EXOC1L: variants seen among roughly 807,000 people sequenced by gnomAD.
EXOC1L encodes the protein exocyst complex component 1-like.
Under a neutral mutation model 4.9 loss-of-function variants are expected in EXOC1L, and 10 were observed. The observed-to-expected ratio is 2.02, with a 90% confidence interval of 1.25 to 3.43. The LOEUF is 3.43. Among genes scored for constraint, EXOC1L ranks in the 30% most tolerant of loss-of-function variants. The pLI, the probability that EXOC1L is intolerant of heterozygous loss-of-function variation, is 0.00. For missense variants in EXOC1L, 114 were observed against 59.4 expected (o/e 1.92, Z -3.02); for synonymous variants, 41 against 20.8 (o/e 1.97, Z -2.63).
chr4:55,832,452 A>G (rs552910489), intron 2 of EXOC1L, among the ~76,000 whole-genome samples: 15 of 152,104 alleles, frequency 9.9e-5, no homozygotes, highest in South Asian at 8.3e-4. Context: ...TGAGCACAAC[A>G]TTGAGGACTT....
intron 1 of EXOC1L, among the ~76,000 whole-genome samples, chr4:55,823,881 C>T (rs1326247531): frequency 6.6e-6 from 1 of 152,080 alleles, no homozygotes; most frequent in East Asian, 1.9e-4. Context: ...ATAATACTTC[C>T]TTTAATAAAT....
chr4:55,834,833 T>C (rs935028727), intron 2 of EXOC1L, among the ~76,000 whole-genome samples: 113 of 152,042 alleles, frequency 7.4e-4, no homozygotes, highest in African/African-American at 2.6e-3. Flanking sequence ...TTTATTTATA[T>C]CTTTTTATTT....
chr4:55,833,987 AC>A (rs1350880551), intron 2 of EXOC1L, among the ~76,000 whole-genome samples: 1 of 151,964 alleles, frequency 6.6e-6, no homozygotes, highest in East Asian at 1.9e-4. Flanking sequence ...AAGTAAAAAT[AC>A]CCTGACTGTT....
In EXOC1L at chr4:55,820,106, T is replaced by C. The variant is rs1222459827; in HGVS notation, c.80T>C (p.Ile27Thr). The change falls in exon 1 of 3, where the codon ATA (isoleucine) becomes ACA (threonine). Residue 27 changes from isoleucine to threonine, a missense_variant. Ile to Thr is a moderately conservative substitution (Grantham distance 89). Coordinates refer to ENST00000636125, the MANE Select transcript of EXOC1L (RefSeq NM_001351574.3). ...LSQNLYEFIEIEFSVQDRYYL... is the reference protein window; with the variant it reads ...LSQNLYEFIETEFSVQDRYYL... ...CAGAATCTGTACGAGTTTATTGAAATAGAGTTCTCCGTCCAGGACAGGTAT... is the reference window on the plus strand; with the variant it reads ...CAGAATCTGTACGAGTTTATTGAAACAGAGTTCTCCGTCCAGGACAGGTAT... The C allele has an allele frequency of 5.0e-6, 2 of 399,044 alleles. No homozygotes were observed. The highest frequency in any genetic ancestry group is 4.4e-6 in the Non-Finnish European group (1 of 226,060). 24.7% of individuals were successfully genotyped at this position (399,044 alleles called of 1,614,324 possible). A position where few individuals can be genotyped will look rare whatever the true frequency, so the allele number is the denominator to read the frequency against.
chr4:55,825,032 G>A (rs1427526674), intron 1 of EXOC1L, among the ~76,000 whole-genome samples: 1 of 152,118 alleles, frequency 6.6e-6, no homozygotes, highest in Non-Finnish European at 1.5e-5. Flanking sequence ...TTTGAAGGGG[G>A]GAAGTATTTA....
At chr4:55,827,150 T>C (rs1199121724) in intron 1 of EXOC1L, among the ~76,000 whole-genome samples, 9 of 152,242 alleles carry the variant, frequency 5.9e-5, no homozygotes. Flanking sequence ...CCTGGTATTC[T>C]AGACCCCTCA....
In EXOC1L at chr4:55,831,450, A is replaced by G; in HGVS notation, c.238A>G (p.Lys80Glu). ...GAACGATCTGCAGATGATTGATGGA[A>G]AAGAAGCAGATACTGTAAGTGTTAC... ...SLNDLQMIDG[K>E]EADTDNPFFD... The change falls in exon 2 of 3, where the codon AAA becomes GAA. Residue 80 changes from lysine to glutamate, a missense_variant. Transcript: ENST00000636125. 1 of 691,624 alleles carries G rather than the reference A, an allele frequency of 1.4e-6. No individual in the cohort carries two copies. Among genetic ancestry groups the G allele is most frequent in the Non-Finnish European group, 2.6e-6 (1 of 381,154 alleles). 42.8% of individuals were successfully genotyped at this position (691,624 alleles called of 1,614,324 possible). A position where few individuals can be genotyped will look rare whatever the true frequency, so the allele number is the denominator to read the frequency against.
intron 2 of EXOC1L, among the ~76,000 whole-genome samples, chr4:55,832,071 A>G (rs1720049098): frequency 6.6e-6 from 1 of 151,962 alleles, no homozygotes; most frequent in Non-Finnish European, 1.5e-5. Context: ...AATTACCTTT[A>G]ACTGTTACCC....
chr4:55,835,735 C>T (rs1313577763), intron 2 of EXOC1L, among the ~76,000 whole-genome samples: 1 of 151,720 alleles, frequency 6.6e-6, no homozygotes, highest in Non-Finnish European at 1.5e-5. Context: ...GTTTGAGTTC[C>T]TTGTAGATTC....
chr4:55,822,188 A>G (rs2078212413), intron 1 of EXOC1L, among the ~76,000 whole-genome samples: 1 of 152,186 alleles, frequency 6.6e-6, no homozygotes, highest in South Asian at 2.1e-4. Flanking sequence ...ATATGTTTAA[A>G]TATGGTTAAG....
chr4:55,824,142 C>G (rs964592797), intron 1 of EXOC1L, among the ~76,000 whole-genome samples: 1 of 151,948 alleles, frequency 6.6e-6, no homozygotes, highest in African/African-American at 2.4e-5. Flanking sequence ...AAATGGGGAA[C>G]AGACCTTGAA....
intron 2 of EXOC1L, 48 bp downstream of exon 2, chr4:55,831,512 T>A (rs1720031923): frequency 9.3e-6 from 6 of 645,096 alleles, no homozygotes; most frequent in African/African-American, 1.8e-5. Context: ...ATGCTGGAGA[T>A]CTTTATGTTC....
rs1056746510 is a variant in EXOC1L at position 55,837,253 on chromosome 4, A to G, written c.421A>G (p.Ile141Val). 2.9e-6 allele frequency: 2 copies of G among 701,116 alleles called. No individual in the cohort carries two copies. Among genetic ancestry groups the G allele is most frequent in the African/African-American group, 3.5e-5 (2 of 57,196 alleles). 43.4% of individuals were successfully genotyped at this position (701,116 alleles called of 1,614,324 possible). ...FDSTYINDDSIWSSNNKDCLV... is the reference protein window; with the variant it reads ...FDSTYINDDSVWSSNNKDCLV... ...TTCTACATACATTAACGATGATTCC[A>G]TTTGGTCCTCCAACAATAAGGATTG... is the stretch of plus-strand genomic sequence containing the variant. Residue 141 changes from isoleucine to valine, a missense_variant, in exon 3 of 3, where the codon ATT (isoleucine) becomes GTT (valine). Coordinates refer to ENST00000636125, the MANE Select transcript of EXOC1L (RefSeq NM_001351574.3).
rs1720198295 is a variant in EXOC1L, at chr4:55,837,368, C to T, written c.*17C>T. Reference sequence around the variant, plus strand: ...CCACTCTGAAGCTGTGTACCACATTCCTTCATCAGTGACCTATGAAAATGG... The same window carrying T: ...CCACTCTGAAGCTGTGTACCACATTTCTTCATCAGTGACCTATGAAAATGG... On this transcript the variant is annotated 3_prime_UTR_variant, in exon 3 of 3. Transcript: ENST00000636125. The T allele has an allele frequency of 1.9e-5, 9 of 474,340 alleles. No individual in the cohort carries two copies. The South Asian group carries it at 3.8e-4, about 20-fold the overall frequency. The allele number at this position is 474,340 out of a possible 1,614,324, so 29.4% of individuals were successfully genotyped here.
chr4:55,821,425 A>G (rs1719734490), intron 1 of EXOC1L, among the ~76,000 whole-genome samples: 1 of 152,134 alleles, frequency 6.6e-6, no homozygotes, highest in Non-Finnish European at 1.5e-5. Flanking sequence ...TTTACTGAAT[A>G]TATTAGAGAA....
intron 1 of EXOC1L, among the ~76,000 whole-genome samples, chr4:55,821,138 A>G (rs1032200780): frequency 6.6e-6 from 1 of 152,194 alleles, no homozygotes; most frequent in Non-Finnish European, 1.5e-5. Flanking sequence ...TGTAAGGGAA[A>G]TAGAATGTCT....
At chr4:55,831,621 GT>G (rs972025493) in intron 2 of EXOC1L, among the ~76,000 whole-genome samples, 157 bp downstream of exon 2, 8 of 151,960 alleles carry the variant, frequency 5.3e-5, no homozygotes, top group African/African-American at 1.2e-4. Context: ...TGATGTACTG[GT>G]TTTTTTATTC....
chr4:55,835,964 A>G (rs908000657), intron 2 of EXOC1L, among the ~76,000 whole-genome samples: 3 of 151,930 alleles, frequency 2.0e-5, no homozygotes, highest in African/African-American at 7.2e-5. Context: ...TAAATTTCAC[A>G]GCAGCACTAT....
At chr4:55,828,796 T>A (rs1719953867) in intron 1 of EXOC1L, among the ~76,000 whole-genome samples, 1 of 152,138 alleles carries the variant, frequency 6.6e-6, no homozygotes, top group Non-Finnish European at 1.5e-5. Context: ...TGAGCCATGA[T>A]CATGCCACTG....
Sources: allele counts gnomAD v4.1 joint callset (sites outside exome capture counted in the v4.1 genomes callset), GRCh38; gene constraint gnomAD v4.1.1; transcripts MANE v1.5; gene names NCBI Gene and HGNC (gene_info 2026-07-23, HGNC 2026-07-21).